Variants in LMO7 observed in about 807,000 individuals in gnomAD.
The protein encoded by LMO7 is LIM domain only protein 7.
In LMO7, 120 loss-of-function variants were observed where a neutral mutation model predicts 206.5. That is an observed-to-expected ratio of 0.58 (90% CI 0.50 to 0.68). The LOEUF (loss-of-function observed/expected upper bound fraction) is 0.68, where lower values mean the gene tolerates loss of function less well. LMO7 is among the 30% of genes least tolerant of loss of function. The probability of loss-of-function intolerance (pLI) is 0.00; values close to 1 mark genes in which losing one functional copy is unlikely to be tolerated. For missense variants in LMO7, 1,959 were observed against 1,957.9 expected, an observed-to-expected ratio of 1.00 and a Z score of -0.01; for synonymous variants, 706 against 681.5, an observed-to-expected ratio of 1.04 and a Z score of -0.56.
chr13:75,800,001 G>A (rs760546102), intron 6 of LMO7, among the ~76,000 whole-genome samples: 72 of 152,122 alleles, frequency 4.7e-4, no homozygotes, highest in Non-Finnish European at 9.0e-4. Flanking sequence ...TTTTATTTAG[G>A]TCCATAGAAA....
Position 75,810,718 on chromosome 13 carries a change from T to C in LMO7, c.1946+1535T>C, listed in dbSNP as rs138722610. ...AGCAGCTCTCAGAAATAGTTGCTTT[T>C]CTTAAAGGAAATAAAAGTACCCAGA... On this transcript the variant is annotated intron_variant, in intron 11 of 30. Coordinates refer to ENST00000377534, the MANE Select transcript of LMO7 (RefSeq NM_001306080.2). Among the ~76,000 whole-genome samples, 664 of 152,368 alleles carry C rather than the reference T, an allele frequency of 4.4e-3. 4 individuals carry two copies. The highest frequency in any genetic ancestry group is 0.015 in the African/African-American group (636 of 41,588).
rs186394263 is a variant in LMO7 at position 75,694,010 on chromosome 13, A to G, written c.70-19172A>G. Among the ~76,000 whole-genome samples, 3 of 150,780 alleles carry G rather than the reference A, an allele frequency of 2.0e-5. No homozygotes were observed. The East Asian group carries it at 5.8e-4, about 29-fold the overall frequency. On this transcript the variant is annotated intron_variant, in intron 1 of 30. Transcript: ENST00000377534. ...AATCATTTTGCTTTTAGGGGACCTT[A>G]AAATAAAAAAAAAAACTATTTACGA...
rs755323256 is a variant in LMO7 at position 75,807,819 on chromosome 13, G to A, written c.1536G>A (p.Leu512=). The A allele has an allele frequency of 1.2e-6, 2 of 1,613,772 alleles. No homozygotes were observed. Among genetic ancestry groups the A allele is most frequent in the South Asian group, 1.1e-5 (1 of 91,070 alleles). Residue 512 remains leucine (L), a synonymous_variant, in exon 10 of 31, where the codon TTG becomes TTA. Transcript: ENST00000377534. ...CREGELVLPD[L]EKDDMIVRRI... ...AAGGTGAACTTGTACTTCCGGATTT[G>A]GAAAAAGATGATATGATTGTTCGCC...
Position 75,691,646 on chromosome 13 carries a change from A to C in LMO7, c.70-21536A>C, listed in dbSNP as rs111774454. Among the ~76,000 whole-genome samples, 641 of 152,216 alleles carry C rather than the reference A, an allele frequency of 4.2e-3. 5 individuals are homozygous for C. The highest frequency in any genetic ancestry group is 0.015 in the African/African-American group (612 of 41,532). ...CTCTCTTTCTCCTATAGCCTTCCCCAGTGGAGTCTGATGTTTCCTCTGTAC... is the reference window on the plus strand; with the variant it reads ...CTCTCTTTCTCCTATAGCCTTCCCCCGTGGAGTCTGATGTTTCCTCTGTAC... On this transcript the variant is annotated intron_variant, in intron 1 of 30. Coordinates refer to ENST00000377534, the MANE Select transcript of LMO7 (RefSeq NM_001306080.2).
chr13:75,691,273 A>C (rs748057053), intron 1 of LMO7, among the ~76,000 whole-genome samples: 3 of 152,240 alleles, frequency 2.0e-5, no homozygotes. Flanking sequence ...TAATATTTGC[A>C]GTATTATTCA....
intron 2 of LMO7, chr13:75,628,413 A>G (rs1299628717): frequency 6.6e-6 from 1 of 152,184 alleles, no homozygotes; most frequent in Non-Finnish European, 1.5e-5. Context: ...ATTTCCAAGT[A>G]TGGAATTGAA....
chr13:75,629,925 T>C (rs12428989), intron 2 of LMO7, among the ~76,000 whole-genome samples: 24,414 of 152,100 alleles, frequency 0.16, 2,390 homozygotes, highest in Admixed American at 0.29. Context: ...TTGAAGGTTG[T>C]GGGATGAGGT....
Position 75,835,226 on chromosome 13 carries a change from A to G in LMO7, c.3227-7A>G. The stretch of plus-strand genomic sequence containing the variant: ...CAATCTCACCAGTATGGCTACCAAA[A>G]TTATAGGTTCACCTGAAACAAAGTG... On this transcript the variant is annotated splice_region_variant and splice_polypyrimidine_tract_variant and intron_variant, in intron 17 of 30. Coordinates refer to ENST00000377534, the MANE Select transcript of LMO7 (RefSeq NM_001306080.2). 6.2e-7 allele frequency: 1 copy of G among 1,612,514 alleles called. No homozygotes were observed. Among genetic ancestry groups the G allele is most frequent in the South Asian group, 1.1e-5 (1 of 90,792 alleles).
At chr13:75,846,351 T>C (rs1465645900) in intron 26 of LMO7, among the ~76,000 whole-genome samples, 5 of 152,214 alleles carry the variant, frequency 3.3e-5, no homozygotes, top group Admixed American at 3.3e-4. Flanking sequence ...ACTTTCCAGC[T>C]GATCTTGCTA....
At chr13:75,737,747 C>T (rs811655) in intron 3 of LMO7, among the ~76,000 whole-genome samples, 26,650 of 63,186 alleles carry the variant, frequency 0.42, 4,012 homozygotes, top group East Asian at 0.49. Context: ...AGCGAGACTC[C>T]GTCTCAAAAA....
At chr13:75,829,986 C>T (rs994363965) in intron 15 of LMO7, among the ~76,000 whole-genome samples, 2 of 152,102 alleles carry the variant, frequency 1.3e-5, no homozygotes, top group Non-Finnish European at 2.9e-5. Flanking sequence ...ACTGAAACCA[C>T]TTGGATAGTT....
chr13:75,696,430 C>T (rs2041911355), intron 1 of LMO7, among the ~76,000 whole-genome samples: 1 of 152,126 alleles, frequency 6.6e-6, no homozygotes, highest in Admixed American at 6.5e-5. Flanking sequence ...TGATTTAGTA[C>T]AAATTGTTTC....
At chr13:75,647,947 C>CTTTCTTT (rs2037184108) in intron 1 of LMO7, among the ~76,000 whole-genome samples, 1 of 24,070 alleles carries the variant, frequency 4.2e-5, no homozygotes, top group African/African-American at 1.0e-4. Context: ...GTTTTCTTTT[C>CTTTCTTT]TTTCTTTTTT....
At chr13:75,629,080 GC>G (rs1221174758) in intron 2 of LMO7, among the ~76,000 whole-genome samples, 5 of 152,278 alleles carry the variant, frequency 3.3e-5, no homozygotes, top group East Asian at 3.9e-4. Context: ...GTGGGTAGGG[GC>G]CAGGGATCCT....
At chr13:75,778,959 G>A (rs1274444435) in intron 4 of LMO7, among the ~76,000 whole-genome samples, 1 of 152,124 alleles carries the variant, frequency 6.6e-6, no homozygotes, top group African/African-American at 2.4e-5. Context: ...AAGACTGGAG[G>A]CTGGCAGGAA....
chr13:75,623,879 C>T (rs1220305628), intron 2 of LMO7, among the ~76,000 whole-genome samples: 1 of 152,104 alleles, frequency 6.6e-6, no homozygotes, highest in Non-Finnish European at 1.5e-5. Context: ...CCAGCCTGTT[C>T]TACTAGTGGG....
In LMO7 at chr13:75,706,542, T is replaced by C. The variant is rs144605273; in HGVS notation, c.70-6640T>C. Among the ~76,000 whole-genome samples the C allele has an allele frequency of 3.8e-4, 57 of 151,138 alleles. 1 individual carries two copies. The East Asian group carries it at 4.1e-3, about 11-fold the overall frequency. ...AAACATTTAAAGAGAACTTATCTTATACTGAAATTTAGAGTATTATATTTT... is the reference window on the plus strand; with the variant it reads ...AAACATTTAAAGAGAACTTATCTTACACTGAAATTTAGAGTATTATATTTT... On this transcript the variant is annotated intron_variant, in intron 1 of 30. Coordinates refer to ENST00000377534, the MANE Select transcript of LMO7 (RefSeq NM_001306080.2).
At chr13:75,635,482 T>G (rs982402808), upstream of LMO7, among the ~76,000 whole-genome samples, 3 of 151,876 alleles carry the variant, frequency 2.0e-5, no homozygotes, top group Non-Finnish European at 4.4e-5. Flanking sequence ...CCGCGGCGGA[T>G]ACCGCATAAC....
chr13:75,624,646 G>A (rs4885332), intron 2 of LMO7, among the ~76,000 whole-genome samples: 66,727 of 152,026 alleles, frequency 0.44, 16,252 homozygotes, highest in East Asian at 0.63. Flanking sequence ...CACAATCATG[G>A]TGGAAGGTGA....
Sources: gnomAD v4.1 joint callset for allele counts (sites outside exome capture counted in the v4.1 genomes callset) on GRCh38, gnomAD v4.1.1 for gene constraint, MANE v1.5 for transcripts, NCBI Gene and HGNC (gene_info 2026-07-23, HGNC 2026-07-21) for gene names.